The following NXN variants were observed in gnomAD, a reference collection of about 807,000 sequenced individuals.
NXN encodes the protein nucleoredoxin.
NXN carries 16 observed loss-of-function variants against 48.6 expected under a neutral mutation model. The ratio of observed to expected loss-of-function variants is 0.33; its 90% confidence interval spans 0.22 to 0.50. The LOEUF is 0.50. Ranked by LOEUF, NXN falls within the 20% of genes least tolerant of loss-of-function variation. NXN has a pLI of 0.98. For synonymous variants in NXN, 281 were observed against 269.6 expected, an observed-to-expected ratio of 1.04 and a Z score of -0.41; for missense variants, 492 against 605.5, an observed-to-expected ratio of 0.81 and a Z score of 1.97.
intron 1 of NXN, among the ~76,000 whole-genome samples, chr17:954,607 C>T (rs1410741473): frequency 1.3e-5 from 2 of 152,224 alleles, no homozygotes; most frequent in African/African-American, 2.4e-5. Context: ...GGCTGATTCC[C>T]ACGACCCCAG....
rs1567827976 is a variant in NXN, at chr17:841,583, C to CAT, written c.361-15506_361-15505insAT. Among the ~76,000 whole-genome samples the CAT allele has an allele frequency of 4.1e-5, 3 of 73,974 alleles. 1 individual carries two copies. Among genetic ancestry groups the CAT allele is most frequent in the East Asian group, 3.5e-4 (1 of 2,880 alleles). The allele number at this position is 73,974 out of a possible 152,430, so 48.5% of individuals were successfully genotyped here. On this transcript the variant is annotated intron_variant, in intron 1 of 7. Transcript: ENST00000336868. The stretch of plus-strand genomic sequence containing the variant: ...TCCCCCCTGACCACGGAGCATCTCA[C>CAT]GCCGGCGAGCAGGTCCCCCCGACCA...
At chr17:859,306 A>T (rs1186534737) in intron 1 of NXN, among the ~76,000 whole-genome samples, 1 of 152,194 alleles carries the variant, frequency 6.6e-6, no homozygotes, top group African/African-American at 2.4e-5. Flanking sequence ...TCGCTCTCTA[A>T]ATTCACCAAA....
intron 1 of NXN, among the ~76,000 whole-genome samples, chr17:853,147 A>G (rs1318315880): frequency 3.9e-5 from 6 of 151,932 alleles, no homozygotes; most frequent in African/African-American, 1.4e-4. Context: ...CCGGCTAAAA[A>G]CATAAATGTT....
At chr17:816,904 C>G (rs73285794) in intron 5 of NXN, among the ~76,000 whole-genome samples, 5,955 of 152,236 alleles carry the variant, frequency 0.039, 126 homozygotes, top group African/African-American at 0.053. Context: ...AGCTCCTACC[C>G]CCAGGCACGG....
chr17:823,796 C>CTTA lies in NXN; in HGVS notation c.479-34_479-32dup, dbSNP rs751220334. 2.5e-6 allele frequency: 4 copies of CTTA among 1,612,966 alleles called. No individual in the cohort carries two copies. In the South Asian group the frequency reaches 4.4e-5, roughly 18 times the overall value. On this transcript the variant is annotated intron_variant, in intron 2 of 7. Coordinates refer to ENST00000336868, the MANE Select transcript of NXN (RefSeq NM_022463.5). ...ACAGAAAACAGATGGTAAAAGAGGGCTTAGACCCTTCTTGATGACCTGGGA... is the reference window on the plus strand; with the variant it reads ...ACAGAAAACAGATGGTAAAAGAGGGCTTATTAGACCCTTCTTGATGACCTGGGA...
intron 1 of NXN, chr17:863,787 TG>T: frequency 1.5e-6 from 1 of 648,822 alleles, no homozygotes; most frequent in Non-Finnish European, 2.7e-6. Context: ...GATTCACATC[TG>T]GTTGAAAAAA....
intron 5 of NXN, among the ~76,000 whole-genome samples, chr17:813,468 C>T (rs951258970): frequency 3.3e-5 from 5 of 152,250 alleles, no homozygotes; most frequent in South Asian, 2.1e-4. Context: ...GGGGCTCAGC[C>T]CAACCTCGAA....
chr17:872,292 G>A lies in NXN; in HGVS notation c.361-46214C>T, dbSNP rs1467381010. 2.0e-5 allele frequency among the ~76,000 whole-genome samples: 3 copies of A among 147,958 alleles called. No individual in the cohort carries two copies. In the Admixed American group the frequency reaches 2.0e-4, roughly 10 times the overall value. ...GACAAGGAGAGAGACAGAGGAACACGTCAATCAAAGACTAGGAGAGAGAGA... is the reference window on the plus strand; with the variant it reads ...GACAAGGAGAGAGACAGAGGAACACATCAATCAAAGACTAGGAGAGAGAGA... On this transcript the variant is annotated intron_variant, in intron 1 of 7. Transcript: ENST00000336868.
chr17:867,034 G>A (rs2068101918), intron 1 of NXN, among the ~76,000 whole-genome samples: 1 of 144,082 alleles, frequency 6.9e-6, no homozygotes, highest in Non-Finnish European at 1.5e-5. Context: ...GTTCTCCGGG[G>A]AATCCTCCAG....
intron 1 of NXN, among the ~76,000 whole-genome samples, chr17:846,308 C>T (rs2067859545): frequency 6.7e-6 from 1 of 149,766 alleles, no homozygotes; most frequent in African/African-American, 2.5e-5. Flanking sequence ...ATCCCAGCTG[C>T]TCGGGAGGCT....
At position 918,450 on chromosome 17, in the gene NXN, A is replaced by C. The variant is rs140228946; in HGVS notation, c.360+60869T>G. On this transcript the variant is annotated intron_variant, in intron 1 of 7. Transcript: ENST00000336868. ...CCATTTCCATTTGGCTCCCGAGTCA[A>C]TCACTCACTTTCATTCCAGCTACTT... Among the ~76,000 whole-genome samples the C allele has an allele frequency of 4.4e-3, 675 of 152,276 alleles. 4 individuals are homozygous for C. The highest frequency in any genetic ancestry group is 0.015 in the African/African-American group (643 of 41,554).
intron 1 of NXN, among the ~76,000 whole-genome samples, chr17:883,507 GA>G (rs762442417): frequency 6.6e-6 from 1 of 152,210 alleles, no homozygotes; most frequent in Non-Finnish European, 1.5e-5. Flanking sequence ...AGGAAAGAAA[GA>G]AGCTGGCCAA....
intron 1 of NXN, among the ~76,000 whole-genome samples, chr17:915,328 C>CTG (rs2068677651): frequency 6.6e-6 from 1 of 152,042 alleles, no homozygotes; most frequent in African/African-American, 2.4e-5. Context: ...GAGTCTCACT[C>CTG]TGTCGCCCAG....
chr17:960,633 A>G (rs571963469), intron 1 of NXN, among the ~76,000 whole-genome samples: 1 of 151,924 alleles, frequency 6.6e-6, no homozygotes, highest in Non-Finnish European at 1.5e-5. Flanking sequence ...ACACACCACC[A>G]TGCCTGGCTA....
intron 5 of NXN, among the ~76,000 whole-genome samples, chr17:806,054 C>T (rs80056659): frequency 0.08 from 12,104 of 151,716 alleles, 615 homozygotes; most frequent in Middle Eastern, 0.13. Context: ...CCAGTGCCGC[C>T]GGGGGGAACC....
At chr17:810,685 G>T (rs1354524284) in intron 5 of NXN, among the ~76,000 whole-genome samples, 1 of 152,106 alleles carries the variant, frequency 6.6e-6, no homozygotes, top group Admixed American at 6.5e-5. Flanking sequence ...AGGTCAGGAG[G>T]TGGAGACCAG....
chr17:938,978 G>A (rs1279268834), intron 1 of NXN, among the ~76,000 whole-genome samples: 1 of 151,828 alleles, frequency 6.6e-6, no homozygotes, highest in African/African-American at 2.4e-5. Context: ...CTTGAGCCTG[G>A]GAGGCAGAGA....
At chr17:841,564 C>CG (rs1914274694) in intron 1 of NXN, among the ~76,000 whole-genome samples, 1 of 48,712 alleles carries the variant, frequency 2.1e-5, no homozygotes, top group Non-Finnish European at 4.1e-5. Flanking sequence ...CAGGTCCCCC[C>CG]TGACCACGGA....
intron 6 of NXN, 36 bp downstream of exon 6, chr17:805,032 G>GCCCCCCCC: frequency 8.5e-7 from 1 of 1,177,978 alleles, no homozygotes; most frequent in Admixed American, 2.2e-5. Flanking sequence ...CCGCCCCCCA[G>GCCCCCCCC]CCACCCCTCG....
Sources: allele counts gnomAD v4.1 joint callset (sites outside exome capture counted in the v4.1 genomes callset), GRCh38; gene constraint gnomAD v4.1.1; transcripts MANE v1.5; gene names NCBI Gene and HGNC (gene_info 2026-07-23, HGNC 2026-07-21).